Variants in PRRG1 observed in about 807,000 individuals in gnomAD.
The protein encoded by PRRG1 is proline rich and Gla domain 1, also known as transmembrane gamma-carboxyglutamic acid protein 1.
Under a neutral mutation model 11.8 loss-of-function variants are expected in PRRG1, and 5 were observed. The observed-to-expected ratio is 0.42, with a 90% CI of 0.22 to 0.89. The LOEUF is 0.89. Ranked by LOEUF, PRRG1 falls within the 40% of genes least tolerant of loss-of-function variation. PRRG1 has a pLI of 0.28. For synonymous variants in PRRG1, 66 were observed against 60.4 expected, an observed-to-expected ratio of 1.09 and a Z score of -0.43; for missense variants, 155 against 166.1, an observed-to-expected ratio of 0.93 and a Z score of 0.37.
At chrX:37,417,351 T>G (rs1262166181) in intron 2 of PRRG1, among the ~76,000 whole-genome samples, 1 of 111,338 alleles carries the variant, frequency 9.0e-6, no homozygotes, top group African/African-American at 3.3e-5. Flanking sequence ...TTTTAATGGG[T>G]TTCAGTTCCC....
At chrX:37,415,253 A>G (rs1348129861) in intron 2 of PRRG1, among the ~76,000 whole-genome samples, 1 of 111,464 alleles carries the variant, frequency 9.0e-6, no homozygotes, top group African/African-American at 3.3e-5. Flanking sequence ...TACTAAAAAT[A>G]CAAAAATTAC....
chrX:37,426,993 A>G (rs1441198445), intron 3 of PRRG1, among the ~76,000 whole-genome samples: 4 of 112,094 alleles, frequency 3.6e-5, no homozygotes, highest in Non-Finnish European at 5.6e-5. Context: ...CTACATAGAT[A>G]CTTCATAAAT....
intron 1 of PRRG1, among the ~76,000 whole-genome samples, chrX:37,397,618 A>G (rs1931761723): frequency 8.9e-6 from 1 of 112,352 alleles, no homozygotes; most frequent in Non-Finnish European, 1.9e-5. Context: ...GGAAAATATC[A>G]CTATTGATAT....
chrX:37,416,319 G>A (rs73466269), intron 2 of PRRG1, among the ~76,000 whole-genome samples: 1,523 of 112,098 alleles, frequency 0.014, 32 homozygotes, highest in African/African-American at 0.046. Context: ...TACAGTCTAT[G>A]CTGATGAGTT....
rs781960781 is a variant in PRRG1, at chrX:37,455,681, G to A, written c.*2060G>A. On this transcript the variant is annotated 3_prime_UTR_variant, in exon 4 of 4. Transcript: ENST00000378628. ...AAATGATTGATTGTATCTTGACCCT[G>A]GTCTCAGAAATGACATTTTTACTTT... The A allele has an allele frequency of 2.7e-5, 3 of 112,428 alleles. No homozygotes were observed. The South Asian group carries it at 1.1e-3, about 41-fold the overall frequency. The allele number at this position is 112,428 out of a possible 1,213,427, so 9.3% of individuals were successfully genotyped here. A position where few individuals can be genotyped will look rare whatever the true frequency, so the allele number is the denominator to read the frequency against.
intron 1 of PRRG1, among the ~76,000 whole-genome samples, chrX:37,363,891 T>G (rs1930488365): frequency 8.9e-6 from 1 of 111,919 alleles, no homozygotes; most frequent in South Asian, 3.7e-4. Context: ...CTGTACCCAG[T>G]CAAAATTTTT....
intron 3 of PRRG1, among the ~76,000 whole-genome samples, chrX:37,437,240 T>C (rs1460508866): frequency 9.0e-6 from 1 of 111,568 alleles, no homozygotes; most frequent in Non-Finnish European, 1.9e-5. Context: ...GTTATGGTAG[T>C]AACTGAATTA....
At chrX:37,401,219 G>A (rs1234361735) in intron 1 of PRRG1, among the ~76,000 whole-genome samples, 1 of 110,863 alleles carries the variant, frequency 9.0e-6, no homozygotes, top group Non-Finnish European at 1.9e-5. Context: ...GATGAACATT[G>A]ATGCAAAAAT....
intron 1 of PRRG1, among the ~76,000 whole-genome samples, chrX:37,373,136 A>G (rs191883358): frequency 8.9e-6 from 1 of 111,898 alleles, no homozygotes; most frequent in African/African-American, 3.2e-5. Flanking sequence ...TAGGCTCTCT[A>G]TCCTGTTGTA....
At chrX:37,433,036 G>C (rs181862778) in intron 3 of PRRG1, among the ~76,000 whole-genome samples, 1 of 111,062 alleles carries the variant, frequency 9.0e-6, no homozygotes, top group African/African-American at 3.3e-5. Flanking sequence ...AAATATACTC[G>C]GAATCTAGCC....
chrX:37,388,730 C>G (rs1306008079), intron 1 of PRRG1, among the ~76,000 whole-genome samples: 1 of 112,884 alleles, frequency 8.9e-6, no homozygotes, highest in African/African-American at 3.2e-5. Flanking sequence ...CTCTGAAATG[C>G]CTTTGAGGAG....
chrX:37,449,717 A>G (rs1921048749), intron 3 of PRRG1, among the ~76,000 whole-genome samples: 1 of 112,302 alleles, frequency 8.9e-6, no homozygotes, highest in African/African-American at 3.2e-5. Flanking sequence ...CATCATGCTT[A>G]AGATTGCTAT....
At chrX:37,404,682 T>G (rs1012951754) in intron 1 of PRRG1, among the ~76,000 whole-genome samples, 1 of 111,308 alleles carries the variant, frequency 9.0e-6, no homozygotes, top group Non-Finnish European at 1.9e-5. Context: ...AGTTCCACCC[T>G]AACCCATTTT....
At chrX:37,445,993 A>G (rs1556395084) in intron 3 of PRRG1, among the ~76,000 whole-genome samples, 1 of 112,635 alleles carries the variant, frequency 8.9e-6, no homozygotes, top group African/African-American at 3.2e-5. Context: ...ATCCCATTGT[A>G]TAGTAACTTA....
At chrX:37,424,219 C>T (rs1220091394) in intron 2 of PRRG1, among the ~76,000 whole-genome samples, 8 of 111,461 alleles carry the variant, frequency 7.2e-5, no homozygotes, top group Non-Finnish European at 1.3e-4. Context: ...ATTTGTTAAC[C>T]CTAGCATTCC....
intron 1 of PRRG1, among the ~76,000 whole-genome samples, chrX:37,351,494 C>CA (rs1302945653): frequency 0.12 from 6,103 of 50,103 alleles, 620 homozygotes; most frequent in African/African-American, 0.35. Context: ...GACTCCGTCT[C>CA]AAAAAAAAAA....
At chrX:37,391,034 T>C (rs1300535611) in intron 1 of PRRG1, among the ~76,000 whole-genome samples, 1 of 111,815 alleles carries the variant, frequency 8.9e-6, no homozygotes, top group East Asian at 2.8e-4. Flanking sequence ...ATTCAAGAAA[T>C]GGTCGTCACT....
chrX:37,417,502 A>G (rs1932531371), intron 2 of PRRG1, among the ~76,000 whole-genome samples: 1 of 112,140 alleles, frequency 8.9e-6, no homozygotes, highest in Non-Finnish European at 1.9e-5. Flanking sequence ...TTTAATTTTC[A>G]GAAATAGTTT....
rs1921386691 is a variant in PRRG1 at position 37,457,137 on chromosome X, T to C, written c.*3516T>C. On this transcript the variant is annotated 3_prime_UTR_variant, in exon 4 of 4. Coordinates refer to ENST00000378628, the MANE Select transcript of PRRG1 (RefSeq NM_001142395.2). ...GAGGTAGCTTTAACTTGGTTCTGTG[T>C]AAATAGTATGTATTTTATTATAATA... The C allele has an allele frequency of 8.9e-6, 1 of 112,753 alleles. No individual in the cohort carries two copies. Among genetic ancestry groups the C allele is most frequent in the African/African-American group, 3.2e-5 (1 of 31,041 alleles). The allele number at this position is 112,753 out of a possible 1,213,427, so 9.3% of individuals were successfully genotyped here.
Sources: gnomAD v4.1 joint callset for allele counts (sites outside exome capture counted in the v4.1 genomes callset) on GRCh38, gnomAD v4.1.1 for gene constraint, MANE v1.5 for transcripts, NCBI Gene and HGNC (gene_info 2026-07-23, HGNC 2026-07-21) for gene names.